Variants in ST8SIA4 observed in about 807,000 individuals in gnomAD.
ST8SIA4 encodes the protein ST8 alpha-N-acetyl-neuraminide alpha-2,8-sialyltransferase 4.
Under a neutral mutation model 33.9 loss-of-function variants are expected in ST8SIA4, and 15 were observed. The observed-to-expected ratio is 0.44, with a 90% CI of 0.30 to 0.68. The LOEUF is 0.68. Among genes scored for constraint, ST8SIA4 ranks in the 30% least tolerant of loss-of-function variants. The pLI, the probability that ST8SIA4 is intolerant of heterozygous loss-of-function variation, is 0.10. For missense variants in ST8SIA4, 321 were observed against 428.0 expected, an observed-to-expected ratio of 0.75 and a Z score of 2.21; for synonymous variants, 171 against 151.2, an observed-to-expected ratio of 1.13 and a Z score of -0.96.
At chr5:100,881,007 C>T (rs1752410000) in intron 3 of ST8SIA4, among the ~76,000 whole-genome samples, 1 of 152,162 alleles carries the variant, frequency 6.6e-6, no homozygotes, top group African/African-American at 2.4e-5. Context: ...AATTAAGTGT[C>T]AACTCCCCAT....
intron 4 of ST8SIA4, among the ~76,000 whole-genome samples, chr5:100,846,757 C>T (rs1324700959): frequency 6.6e-6 from 1 of 152,056 alleles, no homozygotes; most frequent in Non-Finnish European, 1.5e-5. Context: ...CTAGATATTT[C>T]GCAAAGCCTT....
At chr5:100,813,938 G>A (rs550738361) in intron 4 of ST8SIA4, among the ~76,000 whole-genome samples, 48 of 152,054 alleles carry the variant, frequency 3.2e-4, no homozygotes, top group African/African-American at 1.0e-3. Context: ...GCAGTATGAA[G>A]GTCATGCTGA....
At chr5:100,864,872 C>A (rs1013624985) in intron 3 of ST8SIA4, among the ~76,000 whole-genome samples, 80 of 152,146 alleles carry the variant, frequency 5.3e-4, no homozygotes, top group African/African-American at 1.9e-3. Flanking sequence ...TTTAATTTGA[C>A]TACTTGTGAC....
chr5:100,837,447 G>A (rs115481130), intron 4 of ST8SIA4, among the ~76,000 whole-genome samples: 41 of 152,034 alleles, frequency 2.7e-4, no homozygotes, highest in African/African-American at 9.9e-4. Context: ...TGATTGAGGT[G>A]CCAGTGTGAT....
At chr5:100,849,478 C>A in intron 4 of ST8SIA4, 3 of 984,962 alleles carry the variant, frequency 3.0e-6, no homozygotes, top group Non-Finnish European at 3.6e-6. Context: ...CATATGTGAG[C>A]TTGAATTTAA....
At position 100,874,843 on chromosome 5, in the gene ST8SIA4, C is replaced by G. The variant is rs555362164; in HGVS notation, c.503+11500G>C. On this transcript the variant is annotated intron_variant, in intron 3 of 4. Coordinates refer to ENST00000231461, the MANE Select transcript of ST8SIA4 (RefSeq NM_005668.6). ...AAGCAATCTTCCCACCTAGGCCTGA[C>G]AAAGTGCTGGGATAACAGGTATGAG... is the stretch of plus-strand genomic sequence containing the variant. Among the ~76,000 whole-genome samples, 75 of 152,210 alleles carry G rather than the reference C, an allele frequency of 4.9e-4. 1 individual carries two copies. The highest frequency in any genetic ancestry group is 1.7e-3 in the African/African-American group (69 of 41,548).
At chr5:100,835,123 T>C (rs1447340339) in intron 4 of ST8SIA4, among the ~76,000 whole-genome samples, 1 of 152,178 alleles carries the variant, frequency 6.6e-6, no homozygotes, top group African/African-American at 2.4e-5. Context: ...ATTTGTTCTT[T>C]TTCTGTTTGT....
intron 4 of ST8SIA4, among the ~76,000 whole-genome samples, chr5:100,821,519 G>C (rs1276679559): frequency 6.6e-6 from 1 of 152,020 alleles, no homozygotes; most frequent in African/African-American, 2.4e-5. Context: ...AGCTTGATCT[G>C]GACTCTTTAC....
chr5:100,896,603 C>T (rs1175192790), intron 1 of ST8SIA4, among the ~76,000 whole-genome samples: 2 of 152,062 alleles, frequency 1.3e-5, no homozygotes. Flanking sequence ...AAGTGACATG[C>T]TTTTGAGGTG....
At chr5:100,860,289 T>C (rs1183821074) in intron 3 of ST8SIA4, among the ~76,000 whole-genome samples, 1 of 152,192 alleles carries the variant, frequency 6.6e-6, no homozygotes, top group Admixed American at 6.5e-5. Flanking sequence ...CTGTGCTAAC[T>C]GACATCTCTC....
rs773125178 is a variant in ST8SIA4, at chr5:100,902,919, T to C, written c.37A>G (p.Ile13Val). The change falls in exon 1 of 5, where the codon ATA becomes GTA. Residue 13 changes from isoleucine (I) to valine (V), a missense_variant. Transcript: ENST00000231461. Reference protein sequence around the residue: ...SIRKRWTICTISLLLIFYKTK... With the variant: ...SIRKRWTICTVSLLLIFYKTK... ...TTATAAAAGATCAGGAGCAGACTTA[T>C]TGTGCAGATCGTCCACCTCTTCCTA... 5 of 1,614,134 alleles carry C rather than the reference T, an allele frequency of 3.1e-6. No homozygotes were observed. The highest frequency in any genetic ancestry group is 1.1e-5 in the South Asian group (1 of 91,090).
At position 100,857,039 on chromosome 5, in the gene ST8SIA4, C is replaced by T. The variant is rs962853411; in HGVS notation, c.504-643G>A. Among the ~76,000 whole-genome samples the T allele has an allele frequency of 1.1e-4, 16 of 152,160 alleles. No homozygotes were observed. In the East Asian group the frequency reaches 2.7e-3, roughly 26 times the overall value. ...TGGGGTTTTAAGTAATATAGAAAAG[C>T]TCTTACTATAAGATCAAATATCAGC... On this transcript the variant is annotated intron_variant, in intron 3 of 4. Transcript: ENST00000231461.
chr5:100,828,073 A>G (rs1001371879), intron 4 of ST8SIA4, among the ~76,000 whole-genome samples: 7 of 152,186 alleles, frequency 4.6e-5, no homozygotes, highest in Admixed American at 1.3e-4. Flanking sequence ...GTTCTGGGAC[A>G]TCTCACTAAT....
intron 3 of ST8SIA4, among the ~76,000 whole-genome samples, chr5:100,884,298 T>C (rs1001111440): frequency 1.3e-5 from 2 of 152,198 alleles, no homozygotes; most frequent in African/African-American, 4.8e-5. Context: ...AGTAGCTTAG[T>C]AGTGGTCTAA....
intron 3 of ST8SIA4, among the ~76,000 whole-genome samples, chr5:100,858,411 T>A (rs1751863241): frequency 2.0e-5 from 3 of 152,062 alleles, no homozygotes; most frequent in Non-Finnish European, 2.9e-5. Flanking sequence ...ATTTTCACTA[T>A]AATAGTAAAA....
intron 4 of ST8SIA4, among the ~76,000 whole-genome samples, chr5:100,835,020 G>GA (rs1450448131): frequency 6.6e-6 from 1 of 152,026 alleles, no homozygotes; most frequent in Non-Finnish European, 1.5e-5. Flanking sequence ...TGGGTGAAAT[G>GA]AAAAACAAAC....
In ST8SIA4 at chr5:100,889,642, A is replaced by C. The variant is rs1250234859; in HGVS notation, c.246-3042T>G. Among the ~76,000 whole-genome samples the C allele has an allele frequency of 2.0e-5, 3 of 151,960 alleles. 1 individual carries two copies. Among genetic ancestry groups the C allele is most frequent in the Middle Eastern group, 6.3e-3 (2 of 316 alleles). On this transcript the variant is annotated intron_variant, in intron 2 of 4. Coordinates refer to ENST00000231461, the MANE Select transcript of ST8SIA4 (RefSeq NM_005668.6). ...GTAAAACATGTCTTTTAAGTTCCTG[A>C]TTATAAGTAAACCTCTTTATTTTAT... is the stretch of plus-strand genomic sequence containing the variant.
chr5:100,902,960 G>T lies in ST8SIA4; in HGVS notation c.-5C>A, dbSNP rs763266322. 5.6e-6 allele frequency: 9 copies of T among 1,612,776 alleles called. No homozygotes were observed. Among genetic ancestry groups the T allele is most frequent in the Non-Finnish European group, 7.6e-6 (9 of 1,178,798 alleles). The stretch of plus-strand genomic sequence containing the variant: ...CCTCTTCCTAATGGAGCGCATCTTG[G>T]GTGCCCGAGAAAGTCCTGGTTGCCC... On this transcript the variant is annotated 5_prime_UTR_variant, in exon 1 of 5. Coordinates refer to ENST00000231461, the MANE Select transcript of ST8SIA4 (RefSeq NM_005668.6).
Position 100,810,311 on chromosome 5 carries a change from A to G in ST8SIA4, c.*1536T>C, listed in dbSNP as rs1326004680. On this transcript the variant is annotated 3_prime_UTR_variant, in exon 5 of 5. Transcript: ENST00000231461. ...GTCAATTAAATTCATTTTAAATGCA[A>G]AATATTGACACAATTTCACTGTTAA... The G allele has an allele frequency of 6.6e-6, 1 of 152,058 alleles. No homozygotes were observed. The highest frequency in any genetic ancestry group is 2.4e-5 in the African/African-American group (1 of 41,418). The allele number at this position is 152,058 out of a possible 1,614,324, so 9.4% of individuals were successfully genotyped here. A position where few individuals can be genotyped will look rare whatever the true frequency, so the allele number is the denominator to read the frequency against.
Sources: allele counts gnomAD v4.1 joint callset (sites outside exome capture counted in the v4.1 genomes callset), GRCh38; gene constraint gnomAD v4.1.1; transcripts MANE v1.5; gene names NCBI Gene and HGNC (gene_info 2026-07-23, HGNC 2026-07-21).